SLC7A14: variants seen among roughly 807,000 people sequenced by gnomAD.
SLC7A14 encodes the protein solute carrier family 7 member 14, also known as gamma-aminobutyric acid transporter SLC7A14.
In SLC7A14, 37 loss-of-function variants were observed where a neutral mutation model predicts 60.2. The observed-to-expected ratio is 0.61, with a 90% CI of 0.47 to 0.81. The LOEUF is 0.81. Ranked by LOEUF, SLC7A14 falls within the 30% of genes least tolerant of loss-of-function variation. SLC7A14 has a pLI of 0.00. For missense variants in SLC7A14, 886 were observed against 982.7 expected, an observed-to-expected ratio of 0.90 and a Z score of 1.32; for synonymous variants, 399 against 395.8, an observed-to-expected ratio of 1.01 and a Z score of -0.10.
intron 7 of SLC7A14, among the ~76,000 whole-genome samples, chr3:170,475,573 A>T (rs183088008): frequency 3.3e-5 from 5 of 152,308 alleles, no homozygotes. Flanking sequence ...AGTCTTTGTA[A>T]TTAAATTGTC....
chr3:170,575,367 G>A (rs1291530099), intron 1 of SLC7A14, among the ~76,000 whole-genome samples: 6 of 152,224 alleles, frequency 3.9e-5, no homozygotes, highest in African/African-American at 1.4e-4. Context: ...AGTTTGAAAT[G>A]AGGAGGCAGG....
rs556324640 is a variant in SLC7A14 at position 170,563,415 on chromosome 3, TTG to T, written c.-153+22494_-153+22495del. 1.0e-3 allele frequency among the ~76,000 whole-genome samples: 104 copies of T among 102,310 alleles called. 2 individuals are homozygous for T. In the East Asian group the frequency reaches 0.015, roughly 15 times the overall value. 67.1% of individuals were successfully genotyped at this position (102,310 alleles called of 152,430 possible). On this transcript the variant is annotated intron_variant, in intron 1 of 7. Coordinates refer to ENST00000231706, the MANE Select transcript of SLC7A14 (RefSeq NM_020949.3). ...AGTTCAACAAACACTGTTTGTTTGT[TTG>T]TTTTTTTTTTTTTTTTTTGAGATGG...
intron 1 of SLC7A14, among the ~76,000 whole-genome samples, chr3:170,563,567 A>G (rs1022145344): frequency 4.0e-5 from 6 of 151,768 alleles, no homozygotes; most frequent in Non-Finnish European, 7.4e-5. Flanking sequence ...ACAGGCACCC[A>G]CCATCATGCC....
intron 4 of SLC7A14, among the ~76,000 whole-genome samples, chr3:170,487,863 T>C (rs1712085474): frequency 6.6e-6 from 1 of 152,240 alleles, no homozygotes; most frequent in African/African-American, 2.4e-5. Context: ...CTTTCAGTTA[T>C]GAATGTAGGT....
chr3:170,508,543 C>T (rs1374985818), intron 2 of SLC7A14, among the ~76,000 whole-genome samples: 3 of 152,198 alleles, frequency 2.0e-5, no homozygotes, highest in Admixed American at 2.0e-4. Flanking sequence ...GTCAATTCTT[C>T]CCAAGTGCCA....
At chr3:170,515,393 C>T (rs1049192087) in intron 2 of SLC7A14, among the ~76,000 whole-genome samples, 1 of 151,898 alleles carries the variant, frequency 6.6e-6, no homozygotes, top group African/African-American at 2.4e-5. Flanking sequence ...AAGGGCGAGG[C>T]TGCTCACTAG....
chr3:170,545,887 C>G (rs997210616), intron 1 of SLC7A14, among the ~76,000 whole-genome samples: 1 of 152,244 alleles, frequency 6.6e-6, no homozygotes, highest in Non-Finnish European at 1.5e-5. Flanking sequence ...AAGCTGAGCA[C>G]AGTGCCTTGT....
At chr3:170,568,223 A>G (rs1345720157) in intron 1 of SLC7A14, among the ~76,000 whole-genome samples, 6 of 152,302 alleles carry the variant, frequency 3.9e-5, no homozygotes, top group Non-Finnish European at 7.4e-5. Flanking sequence ...AGCTTTCTAC[A>G]TATGGCTAGC....
In SLC7A14 at chr3:170,496,751, G is replaced by A. The variant is rs140170871; in HGVS notation, c.759+1916C>T. On this transcript the variant is annotated intron_variant, in intron 4 of 7. Coordinates refer to ENST00000231706, the MANE Select transcript of SLC7A14 (RefSeq NM_020949.3). The stretch of plus-strand genomic sequence containing the variant: ...AGCCCTGGCCTCAGCTATGGCCTAA[G>A]CTCCAGCTTTGGCTCTGTCGCGGGC... 43 of 752,752 alleles carry A rather than the reference G, an allele frequency of 5.7e-5. No homozygotes were observed. In the East Asian group the frequency reaches 8.5e-4, roughly 15 times the overall value. The allele number at this position is 752,752 out of a possible 1,614,324, so 46.6% of individuals were successfully genotyped here. A position where few individuals can be genotyped will look rare whatever the true frequency, so the allele number is the denominator to read the frequency against.
chr3:170,547,184 C>G (rs1354813081), intron 1 of SLC7A14, among the ~76,000 whole-genome samples: 7 of 152,140 alleles, frequency 4.6e-5, no homozygotes, highest in Admixed American at 2.6e-4. Flanking sequence ...TCACTGTGTC[C>G]TGCAGATTCT....
intron 1 of SLC7A14, among the ~76,000 whole-genome samples, chr3:170,574,778 G>C (rs1201320870): frequency 6.6e-6 from 1 of 152,194 alleles, no homozygotes; most frequent in East Asian, 1.9e-4. Flanking sequence ...GAGCCTGAGA[G>C]TGGGAAATGC....
intron 1 of SLC7A14, among the ~76,000 whole-genome samples, chr3:170,536,232 G>A (rs1027176456): frequency 2.6e-5 from 4 of 152,210 alleles, no homozygotes; most frequent in Non-Finnish European, 4.4e-5. Flanking sequence ...ACCTATAAGT[G>A]TAGGTATTGA....
chr3:170,508,041 G>A (rs992982938), intron 2 of SLC7A14, among the ~76,000 whole-genome samples: 2 of 152,220 alleles, frequency 1.3e-5, no homozygotes, highest in Admixed American at 6.5e-5. Flanking sequence ...GTTTGGGCTA[G>A]ACCTGAGGTC....
At chr3:170,554,810 C>T (rs1039174158) in intron 1 of SLC7A14, among the ~76,000 whole-genome samples, 2 of 152,104 alleles carry the variant, frequency 1.3e-5, no homozygotes, top group African/African-American at 4.8e-5. Flanking sequence ...ACTTATAGTC[C>T]CTTACTTGAA....
chr3:170,542,141 A>G (rs1714035205), intron 1 of SLC7A14, among the ~76,000 whole-genome samples: 1 of 152,218 alleles, frequency 6.6e-6, no homozygotes, highest in Non-Finnish European at 1.5e-5. Flanking sequence ...AAACAGCAGA[A>G]TCGAATCACC....
intron 6 of SLC7A14, among the ~76,000 whole-genome samples, chr3:170,481,527 G>A (rs1186900572): frequency 6.0e-5 from 9 of 151,148 alleles, no homozygotes; most frequent in Non-Finnish European, 1.0e-4. Context: ...TCAGCCTCCC[G>A]AGTAGCTGGG....
intron 1 of SLC7A14, among the ~76,000 whole-genome samples, chr3:170,577,711 A>G (rs1247955214): frequency 6.6e-6 from 1 of 151,960 alleles, no homozygotes; most frequent in African/African-American, 2.4e-5. Context: ...TTGATGGGAT[A>G]TGTAGCTAGT....
chr3:170,557,060 G>C (rs1714504697), intron 1 of SLC7A14, among the ~76,000 whole-genome samples: 1 of 152,196 alleles, frequency 6.6e-6, no homozygotes, highest in Non-Finnish European at 1.5e-5. Context: ...TCAGAGGGCA[G>C]ATCAGAGTTC....
At chr3:170,556,001 C>A (rs1413233804) in intron 1 of SLC7A14, among the ~76,000 whole-genome samples, 1 of 152,186 alleles carries the variant, frequency 6.6e-6, no homozygotes, top group Non-Finnish European at 1.5e-5. Context: ...ATTACTTTAA[C>A]AATTGGCATA....
Sources: gnomAD v4.1 joint callset for allele counts (sites outside exome capture counted in the v4.1 genomes callset) on GRCh38, gnomAD v4.1.1 for gene constraint, MANE v1.5 for transcripts, NCBI Gene and HGNC (gene_info 2026-07-23, HGNC 2026-07-21) for gene names.